The following PDE1C variants were observed in gnomAD, a reference collection of about 807,000 sequenced individuals.
The protein encoded by PDE1C is phosphodiesterase 1C.
In PDE1C, 62 loss-of-function variants were observed where a neutral mutation model predicts 93.1. The ratio of observed to expected loss-of-function variants is 0.67; its 90% CI spans 0.54 to 0.82. The LOEUF (loss-of-function observed/expected upper bound fraction) is 0.82, where lower values mean the gene tolerates loss of function less well. PDE1C is among the 40% of genes least tolerant of loss of function. The pLI is 0.00. For missense variants in PDE1C, 742 were observed against 884.6 expected (o/e 0.84, Z 2.04); for synonymous variants, 325 against 310.1 (o/e 1.05, Z -0.50).
intron 8 of PDE1C, 152 bp downstream of exon 8, chr7:31,850,489 T>C: frequency 1.6e-6 from 1 of 620,832 alleles, no homozygotes; most frequent in Non-Finnish European, 2.9e-6. Context: ...TGATTGAAGC[T>C]GATCAGACTG....
rs1163946796 is a variant in PDE1C at position 32,350,575 on chromosome 7, TATATATATATATA to T, written c.310+77234_310+77246del. 5.7e-3 allele frequency among the ~76,000 whole-genome samples: 9 copies of T among 1,592 alleles called. 2 individuals are homozygous for T. Among genetic ancestry groups the T allele is most frequent in the African/African-American group, 6.4e-3 (9 of 1,404 alleles). The allele number at this position is 1,592 out of a possible 152,430, so 1.0% of individuals were successfully genotyped here. ...ATATATATATATATATATATATATA[TATATATATATATA>T]TATTTTTTTTTTTTTTTTTATTATA... is the stretch of plus-strand genomic sequence containing the variant. On this transcript the variant is annotated intron_variant, in intron 1 of 1. Transcript: ENST00000672256.
chr7:32,262,332 GGTGA>G (rs1210089297), intron 1 of PDE1C, among the ~76,000 whole-genome samples: 1 of 152,108 alleles, frequency 6.6e-6, no homozygotes, highest in African/African-American at 2.4e-5. Context: ...AAATTATGCT[GGTGA>G]GTGAGCAGGT....
At chr7:31,835,164 C>A (rs1032980064) in intron 11 of PDE1C, among the ~76,000 whole-genome samples, 1 of 152,162 alleles carries the variant, frequency 6.6e-6, no homozygotes, top group Non-Finnish European at 1.5e-5. Context: ...TCAATTAAAC[C>A]TCTTCCCTTT....
intron 1 of PDE1C, among the ~76,000 whole-genome samples, chr7:32,223,196 T>C (rs1454033799): frequency 6.6e-6 from 1 of 152,218 alleles, no homozygotes; most frequent in Non-Finnish European, 1.5e-5. Context: ...AACTAAGCTC[T>C]CAAATCTGCC....
chr7:31,628,559 G>A, the PDE1C span, among the ~76,000 whole-genome samples: 4 of 151,246 alleles, frequency 2.6e-5, no homozygotes, highest in South Asian at 6.3e-4. Context: ...CCGGGTTCAC[G>A]CCATTCTCCT....
chr7:32,363,458 G>A (rs1351916174), intron 1 of PDE1C, among the ~76,000 whole-genome samples: 1 of 152,202 alleles, frequency 6.6e-6, no homozygotes, highest in Non-Finnish European at 1.5e-5. Flanking sequence ...ATATTTCCTA[G>A]GATACAAAGG....
chr7:31,933,295 A>T (rs1332043938), intron 2 of PDE1C, among the ~76,000 whole-genome samples: 3 of 152,144 alleles, frequency 2.0e-5, no homozygotes, highest in African/African-American at 7.2e-5. Context: ...TAAATATATC[A>T]ATATGTCAAT....
At chr7:32,215,875 A>G (rs964523479) in intron 1 of PDE1C, among the ~76,000 whole-genome samples, 4 of 152,208 alleles carry the variant, frequency 2.6e-5, no homozygotes, top group Non-Finnish European at 4.4e-5. Context: ...GACCCAGAGC[A>G]GAGCTTGGCT....
At chr7:31,997,915 G>A (rs1003229615) in intron 2 of PDE1C, among the ~76,000 whole-genome samples, 3 of 152,194 alleles carry the variant, frequency 2.0e-5, no homozygotes, top group East Asian at 1.9e-4. Flanking sequence ...TGGAATATAT[G>A]AGAATAAATG....
At chr7:32,310,791 G>A (rs572281047) in intron 1 of PDE1C, among the ~76,000 whole-genome samples, 3 of 151,938 alleles carry the variant, frequency 2.0e-5, no homozygotes, top group African/African-American at 7.2e-5. Context: ...ATGCCCACAA[G>A]AGAAAGCAGG....
chr7:31,924,298 A>G (rs1286018346), intron 2 of PDE1C, among the ~76,000 whole-genome samples: 1 of 152,206 alleles, frequency 6.6e-6, no homozygotes, highest in Non-Finnish European at 1.5e-5. Context: ...TGACTTAACA[A>G]ATTAAATATT....
In PDE1C at chr7:32,420,299, GTA is replaced by G. The variant is rs1481880333; in HGVS notation, c.310+7521_310+7522del. Among the ~76,000 whole-genome samples the G allele has an allele frequency of 2.0e-3, 53 of 26,030 alleles. 13 individuals are homozygous for G. The highest frequency in any genetic ancestry group is 7.1e-3 in the African/African-American group (49 of 6,876). 17.1% of individuals were successfully genotyped at this position (26,030 alleles called of 152,430 possible). ...TATATATACATGTGTATATATATGT[GTA>G]TATATATACATGTGTATATATATGT... On this transcript the variant is annotated intron_variant, in intron 1 of 1. Transcript: ENST00000672256.
chr7:31,659,037 A>T, the PDE1C span, among the ~76,000 whole-genome samples: 1 of 152,268 alleles, frequency 6.6e-6, no homozygotes, highest in South Asian at 2.1e-4. Context: ...CCAGAGTCAC[A>T]AGGTATCTAC....
rs1281268802 is a variant in PDE1C at position 31,794,038 on chromosome 7, A to G, written c.1891+14993T>C. ...TAGATAGATAGATAGATAGATAGAT[A>G]GATAGACAGACAGACAGACAGACAG... On this transcript the variant is annotated intron_variant, in intron 16 of 17. Transcript: ENST00000396191. Among the ~76,000 whole-genome samples the G allele has an allele frequency of 1.1e-4, 12 of 111,958 alleles. No homozygotes were observed. The South Asian group carries it at 1.4e-3, about 13-fold the overall frequency. The allele number at this position is 111,958 out of a possible 152,430, so 73.4% of individuals were successfully genotyped here.
chr7:31,847,804 A>G, intron 9 of PDE1C, 164 bp downstream of exon 9: 1 of 679,704 alleles, frequency 1.5e-6, no homozygotes, highest in Non-Finnish European at 2.6e-6. Context: ...AATAAGACAT[A>G]CATACATACA....
Position 32,009,756 on chromosome 7 carries a change from AC to A in PDE1C, c.128+41797del, listed in dbSNP as rs200983638. On this transcript the variant is annotated intron_variant, in intron 2 of 17. Coordinates refer to ENST00000396191, the MANE Select transcript of PDE1C (RefSeq NM_001191057.4). ...AGAAGAAGTAAAACTGTCTTTATTT[AC>A]AAACAACATGACATTTTATGTAGAA... Among the ~76,000 whole-genome samples the A allele has an allele frequency of 8.1e-3, 1,235 of 152,332 alleles. 16 individuals are homozygous for A. The highest frequency in any genetic ancestry group is 0.029 in the African/African-American group (1,188 of 41,584).
At chr7:32,132,022 T>C (rs548199540) in intron 3 of PDE1C, among the ~76,000 whole-genome samples, 4 of 152,246 alleles carry the variant, frequency 2.6e-5, no homozygotes, top group East Asian at 1.9e-4. Context: ...CATTGTTTGA[T>C]TGGCTTGTTT....
chr7:32,417,244 C>T (rs1785293510), intron 1 of PDE1C, among the ~76,000 whole-genome samples: 1 of 151,914 alleles, frequency 6.6e-6, no homozygotes, highest in South Asian at 2.1e-4. Flanking sequence ...TGAGTGAATC[C>T]CAGTTGTAAC....
chr7:31,953,071 A>G (rs922901343), intron 2 of PDE1C, among the ~76,000 whole-genome samples: 1 of 152,162 alleles, frequency 6.6e-6, no homozygotes, highest in African/African-American at 2.4e-5. Context: ...AAAAAATATC[A>G]TGTTGTTGGG....
Sources: gnomAD v4.1 joint callset for allele counts (sites outside exome capture counted in the v4.1 genomes callset) on GRCh38, gnomAD v4.1.1 for gene constraint, MANE v1.5 for transcripts, NCBI Gene and HGNC (gene_info 2026-07-23, HGNC 2026-07-21) for gene names.